CD99L2: variants seen among roughly 807,000 people sequenced by gnomAD.
CD99L2 encodes CD99 antigen-like protein 2.
Under a neutral mutation model 27.3 loss-of-function variants are expected in CD99L2, and 24 were observed. The observed-to-expected ratio is 0.88, with a 90% confidence interval of 0.64 to 1.24. The LOEUF (loss-of-function observed/expected upper bound fraction) is 1.24. CD99L2 is among the 50% of genes most tolerant of loss of function. The pLI, the probability that CD99L2 is intolerant of heterozygous loss-of-function variation, is 0.00. For missense variants in CD99L2, 255 were observed against 221.6 expected (o/e 1.15, Z -0.96); for synonymous variants, 97 against 87.9 (o/e 1.10, Z -0.58).
chrX:150,809,241 C>G (rs1433368338), intron 4 of CD99L2, among the ~76,000 whole-genome samples: 1 of 111,404 alleles, frequency 9.0e-6, no homozygotes, highest in African/African-American at 3.3e-5. Flanking sequence ...TTTAAGCAAT[C>G]AAGTTCATGG....
At position 150,836,485 on chromosome X, in the gene CD99L2, G is replaced by A. The variant is rs181626644; in HGVS notation, c.68-5192C>T. ...TGGGATTACAGGCGTCTGCCACCAC[G>A]CCCAGCTAATTTTGTATTTTTGGTA... is the stretch of plus-strand genomic sequence containing the variant. On this transcript the variant is annotated intron_variant, in intron 1 of 10. Transcript: ENST00000370377. Among the ~76,000 whole-genome samples, 46 of 110,487 alleles carry A rather than the reference G, an allele frequency of 4.2e-4. No individual in the cohort carries two copies. In the East Asian group the frequency reaches 5.4e-3, roughly 13 times the overall value.
intron 1 of CD99L2, among the ~76,000 whole-genome samples, chrX:150,863,583 TTTTG>T (rs1286116626): frequency 9.0e-6 from 1 of 111,041 alleles, no homozygotes; most frequent in Non-Finnish European, 1.9e-5. Context: ...TTTGGTGTTT[TTTTG>T]TTTGTTTGTT....
At chrX:150,784,101 G>A (rs2076260176) in intron 7 of CD99L2, among the ~76,000 whole-genome samples, 1 of 111,125 alleles carries the variant, frequency 9.0e-6, no homozygotes, top group Admixed American at 9.5e-5. Flanking sequence ...ACAGAAGGAA[G>A]ACTCTCCTTC....
intron 1 of CD99L2, among the ~76,000 whole-genome samples, chrX:150,881,494 A>G (rs1463228109): frequency 8.9e-6 from 1 of 112,046 alleles, no homozygotes; most frequent in Non-Finnish European, 1.9e-5. Context: ...TCCCAACCCC[A>G]CTGGACCAGG....
intron 1 of CD99L2, among the ~76,000 whole-genome samples, chrX:150,884,670 GAGATCCC>G (rs1557422573): frequency 8.9e-6 from 1 of 111,839 alleles, no homozygotes; most frequent in African/African-American, 3.3e-5. Context: ...GCAGCAGAGT[GAGATCCC>G]ATCTCAATCA....
chrX:150,898,479 C>A, intron 1 of CD99L2, 43 bp downstream of exon 1: 1 of 1,054,452 alleles, frequency 9.5e-7, no homozygotes, highest in Non-Finnish European at 1.2e-6. Flanking sequence ...GCCCACAAGG[C>A]GGGGTCCCCG....
intron 2 of CD99L2, among the ~76,000 whole-genome samples, chrX:150,826,754 T>C (rs1473894500): frequency 8.9e-6 from 1 of 111,978 alleles, no homozygotes; most frequent in East Asian, 2.8e-4. Flanking sequence ...TTCTCTGTCT[T>C]TTCTCCAACA....
At chrX:150,772,434 G>A (rs963395168) in intron 9 of CD99L2, among the ~76,000 whole-genome samples, 1 of 112,620 alleles carries the variant, frequency 8.9e-6, no homozygotes, top group Non-Finnish European at 1.9e-5. Context: ...CAGAGGCCCG[G>A]GATGGGGATG....
chrX:150,806,700 G>A (rs1268214066), intron 4 of CD99L2, among the ~76,000 whole-genome samples: 3 of 111,103 alleles, frequency 2.7e-5, no homozygotes, highest in Non-Finnish European at 5.7e-5. Context: ...AGACCAGCCT[G>A]GCCAACATGG....
intron 7 of CD99L2, among the ~76,000 whole-genome samples, chrX:150,780,181 T>C (rs111863194): frequency 0.017 from 1,872 of 111,744 alleles, 48 homozygotes; most frequent in African/African-American, 0.059. Flanking sequence ...CTGTTGGTCA[T>C]TGGGGAAATG....
chrX:150,868,939 T>C (rs781967321), intron 1 of CD99L2, among the ~76,000 whole-genome samples: 1 of 112,648 alleles, frequency 8.9e-6, no homozygotes, highest in Non-Finnish European at 1.9e-5. Context: ...ACTATGATGC[T>C]GGATCAGATT....
At chrX:150,853,808 C>T (rs1004270364) in intron 1 of CD99L2, among the ~76,000 whole-genome samples, 2 of 111,992 alleles carry the variant, frequency 1.8e-5, no homozygotes, top group Non-Finnish European at 3.8e-5. Context: ...ATGTTCAAAC[C>T]ATTCAAGAGT....
chrX:150,863,924 CAGCAGCAGGGAGAGACA>C (rs1227315870), intron 1 of CD99L2, among the ~76,000 whole-genome samples: 14 of 111,883 alleles, frequency 1.3e-4, no homozygotes, highest in African/African-American at 4.5e-4. Flanking sequence ...TGGCCACCAC[CAGCAGCAGGGAGAGACA>C]AGATTCTTCT....
intron 4 of CD99L2, among the ~76,000 whole-genome samples, chrX:150,808,174 T>C (rs978578491): frequency 2.7e-5 from 3 of 112,513 alleles, no homozygotes; most frequent in Non-Finnish European, 3.8e-5. Context: ...AGCACCACAA[T>C]ACATGATTGC....
chrX:150,769,193 GGGTTTCCCTTTGTATCCCCTGGGGGGCC>G, intron 10 of CD99L2, 92 bp from the exon 11 acceptor site: 2 of 1,031,290 alleles, frequency 1.9e-6, no homozygotes, highest in Non-Finnish European at 2.6e-6. Flanking sequence ...GAACAGAACT[GGGTTTCCCTTTGTATCCCCTGGGGGGCC>G]GCTTAGCAAC....
chrX:150,841,293 T>C lies in CD99L2; in HGVS notation c.68-10000A>G, dbSNP rs2046619793. Among the ~76,000 whole-genome samples, 3 of 112,321 alleles carry C rather than the reference T, an allele frequency of 2.7e-5. No homozygotes were observed. In the South Asian group the frequency reaches 1.1e-3, roughly 42 times the overall value. ...AATAAAGCAAAGTGCAGAGAAGTAT[T>C]TTTCCATTTGCGTGTCTGTATCCAT... is the stretch of plus-strand genomic sequence containing the variant. On this transcript the variant is annotated intron_variant, in intron 1 of 10. Coordinates refer to ENST00000370377, the MANE Select transcript of CD99L2 (RefSeq NM_031462.4).
rs181656101 is a variant in CD99L2 at position 150,882,893 on chromosome X, C to T, written c.67+15629G>A. On this transcript the variant is annotated intron_variant, in intron 1 of 10. Coordinates refer to ENST00000370377, the MANE Select transcript of CD99L2 (RefSeq NM_031462.4). The stretch of plus-strand genomic sequence containing the variant: ...GGTAAAAAAAACAACCATGAGAGGC[C>T]GGGCATGGTGGCTCATGCCTGTAAT... Among the ~76,000 whole-genome samples the T allele has an allele frequency of 6.4e-3, 701 of 109,422 alleles. 6 individuals carry two copies. Among genetic ancestry groups the T allele is most frequent in the African/African-American group, 0.021 (630 of 30,032 alleles).
Position 150,887,389 on chromosome X carries a change from C to T in CD99L2, c.67+11133G>A, listed in dbSNP as rs183301500. On this transcript the variant is annotated intron_variant, in intron 1 of 10. Coordinates refer to ENST00000370377, the MANE Select transcript of CD99L2 (RefSeq NM_031462.4). ...TGAGCCCGGGAGGCGGAGGTTGCAG[C>T]GAGCTGAGAGTGCGCCACTGCACTT... Among the ~76,000 whole-genome samples the T allele has an allele frequency of 7.5e-3, 818 of 108,998 alleles. 7 individuals carry two copies. Among genetic ancestry groups the T allele is most frequent in the African/African-American group, 0.026 (774 of 29,933 alleles). The allele number at this position is 108,998 out of a possible 115,157, so 94.7% of individuals were successfully genotyped here.
chrX:150,844,251 G>A (rs892247547), intron 1 of CD99L2, among the ~76,000 whole-genome samples: 2 of 112,442 alleles, frequency 1.8e-5, no homozygotes, highest in Non-Finnish European at 3.8e-5. Context: ...GCAAGGGGGT[G>A]ATTAATCAAA....
Sources: gnomAD v4.1 joint callset for allele counts (sites outside exome capture counted in the v4.1 genomes callset) on GRCh38, gnomAD v4.1.1 for gene constraint, MANE v1.5 for transcripts, NCBI Gene and HGNC (gene_info 2026-07-23, HGNC 2026-07-21) for gene names.